SLFN14: variants seen among roughly 807,000 people sequenced by gnomAD.
The protein encoded by SLFN14 is protein SLFN14.
Under a neutral mutation model 58.6 loss-of-function variants are expected in SLFN14, and 47 were observed. The observed-to-expected ratio is 0.80, with a 90% CI of 0.64 to 1.02. SLFN14 has a LOEUF of 1.02. Among genes scored for constraint, SLFN14 ranks in the 50% least tolerant of loss-of-function variants. SLFN14 has a pLI of 0.00. For synonymous variants in SLFN14, 390 were observed against 387.3 expected (o/e 1.01, Z -0.08); for missense variants, 967 against 1,078.4 (o/e 0.90, Z 1.45).
In SLFN14 at chr17:35,548,433, A is replaced by T; in HGVS notation, c.2545T>A (p.Phe849Ile). The change falls in exon 6 of 6, where the codon TTT becomes ATT. Residue 849 changes from phenylalanine to isoleucine, a missense_variant. Coordinates refer to ENST00000674182, the MANE Select transcript of SLFN14 (RefSeq NM_001129820.2). ...IETHRPSEVV[F>I]SPATGVWGSH... ...CCCCAAACACCGGTGGCCGGGCTAA[A>T]CACAACCTCTGATGGTCTGTGGGTC... 6.4e-7 allele frequency: 1 copy of T among 1,551,644 alleles called. No homozygotes were observed. Among genetic ancestry groups the T allele is most frequent in the East Asian group, 2.4e-5 (1 of 40,918 alleles).
intron 3 of SLFN14, among the ~76,000 whole-genome samples, 185 bp downstream of exon 3, chr17:35,556,818 G>C (rs1378038123): frequency 6.6e-6 from 1 of 152,120 alleles, no homozygotes; most frequent in Non-Finnish European, 1.5e-5. Flanking sequence ...AACATTTCTT[G>C]ACCTCAGTTT....
chr17:35,552,759 A>G lies in SLFN14; in HGVS notation c.1875T>C (p.Cys625=). 6.5e-7 allele frequency: 1 copy of G among 1,549,422 alleles called. No individual in the cohort carries two copies. The highest frequency in any genetic ancestry group is 8.7e-7 in the Non-Finnish European group (1 of 1,146,450). The change falls in exon 5 of 6, where the codon TGT becomes TGC. Residue 625 remains cysteine (C), a synonymous_variant. Transcript: ENST00000674182. ...HCKPKEILYV[C]ESDSLKDFVT... ...CAAAATCCTTTAGGGAGTCGCTTTCACAAACATAGAGGATCTCTTTTGGTT... is the reference window on the plus strand; with the variant it reads ...CAAAATCCTTTAGGGAGTCGCTTTCGCAAACATAGAGGATCTCTTTTGGTT...
intron 3 of SLFN14, among the ~76,000 whole-genome samples, chr17:35,556,722 T>G (rs2072655530): frequency 6.6e-6 from 1 of 152,068 alleles, no homozygotes; most frequent in Admixed American, 6.5e-5. Context: ...GAGGTGGAGT[T>G]TGCAGTGAGC....
rs1445271966 is a variant in SLFN14, at chr17:35,554,617, A to G, written c.1148T>C (p.Val383Ala). ...ARKSPGYPIK[V>A]HKFKEALQRH... ...TTGCAGAGCCTCCTTAAATTTGTGG[A>G]CTTTTATGGGATATCCGGGACTTTT... Residue 383 changes from valine to alanine, a missense_variant, in exon 4 of 6, where the codon GTC (valine) becomes GCC (alanine). Transcript: ENST00000674182. 6.5e-7 allele frequency: 1 copy of G among 1,535,552 alleles called. No individual in the cohort carries two copies. The highest frequency in any genetic ancestry group is 8.8e-7 in the Non-Finnish European group (1 of 1,139,176).
In SLFN14 at chr17:35,553,058, G is replaced by T; in HGVS notation, c.1576C>A (p.Pro526Thr). 6.4e-7 allele frequency: 1 copy of T among 1,551,604 alleles called. No individual in the cohort carries two copies. The highest frequency in any genetic ancestry group is 1.2e-5 in the South Asian group (1 of 84,056). The change falls in exon 5 of 6, where the codon CCC becomes ACC. Residue 526 changes from proline to threonine, a missense_variant. Physicochemically the swap from Pro to Thr is conservative, Grantham distance 38. Transcript: ENST00000674182. The stretch of plus-strand genomic sequence containing the variant: ...CTGTAGGACCTGGGGTAACGCAGGG[G>T]GATCTCACCAGGTCTACTCTGTGTG... ...SSTQSRPGEI[P>T]LRYPRSYRLA...
chr17:35,548,763 C>T lies in SLFN14; in HGVS notation c.2215G>A (p.Ala739Thr). The T allele has an allele frequency of 6.4e-7, 1 of 1,551,666 alleles. No individual in the cohort carries two copies. The change falls in exon 6 of 6, where the codon GCG becomes ACG. Residue 739 changes from alanine (A) to threonine (T), a missense_variant. Transcript: ENST00000674182. Reference sequence around the variant, plus strand: ...TTCATTTCTTCTTTCATAACCTTCGCTATTTCCAGAGCACAGTGGATCCCA... The same window carrying T: ...TTCATTTCTTCTTTCATAACCTTCGTTATTTCCAGAGCACAGTGGATCCCA... ...TSGIHCALEI[A>T]KVMKEEMKRI...
Position 35,557,588 on chromosome 17 carries a change from T to C in SLFN14, c.475A>G (p.Arg159Gly), listed in dbSNP as rs1567717314. ...LLREKGFRAQ[R>G]GRPRVKKLHP... Reference sequence around the variant, plus strand: ...AACTTCTTCACCCTTGGTCTTCCTCTTTGGGCTCTAAACCCCTTCTCTCTG... The same window carrying C: ...AACTTCTTCACCCTTGGTCTTCCTCCTTGGGCTCTAAACCCCTTCTCTCTG... The change falls in exon 3 of 6, where the codon AGA becomes GGA. Residue 159 changes from arginine (R) to glycine (G), a missense_variant. By Grantham distance (125) the Arg-to-Gly change is moderately radical (BLOSUM62 -2). Coordinates refer to ENST00000674182, the MANE Select transcript of SLFN14 (RefSeq NM_001129820.2). The C allele has an allele frequency of 6.4e-7, 1 of 1,551,692 alleles. No homozygotes were observed. Among genetic ancestry groups the C allele is most frequent in the Non-Finnish European group, 8.7e-7 (1 of 1,146,986 alleles).
At chr17:35,559,069 GT>G in intron 2 of SLFN14, among the ~76,000 whole-genome samples, 1 of 149,154 alleles carries the variant, frequency 6.7e-6, no homozygotes, top group Middle Eastern at 3.4e-3. Context: ...AAAAAAAAAT[GT>G]TAAACATTAG....
At chr17:35,551,345 C>T (rs986677074) in intron 5 of SLFN14, among the ~76,000 whole-genome samples, 6 of 152,078 alleles carry the variant, frequency 3.9e-5, no homozygotes, top group Non-Finnish European at 5.9e-5. Flanking sequence ...GTCTGCCTAC[C>T]CTCAGGAATA....
rs1336773170 is a variant in SLFN14 at position 35,557,050 on chromosome 17, C to T, written c.1013G>A (p.Arg338Gln). ...GACCACCCACTGCTCAGCTGTCAGCCGTGTGACAGAATTGTCTTTCATGAT... is the reference window on the plus strand; with the variant it reads ...GACCACCCACTGCTCAGCTGTCAGCTGTGTGACAGAATTGTCTTTCATGAT... ...SWIMKDNSVT[R>Q]LTAEQWVVMM... Residue 338 changes from arginine to glutamine, a missense_variant, in exon 3 of 6, where the codon CGG becomes CAG. Coordinates refer to ENST00000674182, the MANE Select transcript of SLFN14 (RefSeq NM_001129820.2). 9 of 1,551,662 alleles carry T rather than the reference C, an allele frequency of 5.8e-6. No individual in the cohort carries two copies. The highest frequency in any genetic ancestry group is 2.7e-5 in the African/African-American group (2 of 73,148).
Position 35,553,003 on chromosome 17 carries a change from A to T in SLFN14, c.1631T>A (p.Leu544Ter). 6.4e-7 allele frequency: 1 copy of T among 1,551,642 alleles called. No homozygotes were observed. The highest frequency in any genetic ancestry group is 1.2e-5 in the South Asian group (1 of 84,060). Reference sequence around the variant, plus strand: ...GGAGACCACCACCAGAGCCTGCAGCAAGTCTTCCATTTCCTCCTCATCAGC... The same window carrying T: ...GGAGACCACCACCAGAGCCTGCAGCTAGTCTTCCATTTCCTCCTCATCAGC... The part of the protein sequence containing the change: ...RLADEEEMED[L>*]LQALVVVSLS... Residue 544 changes from leucine to a stop codon, truncating the protein, a stop_gained, in exon 5 of 6, where the codon TTG becomes TAG. Coordinates refer to ENST00000674182, the MANE Select transcript of SLFN14 (RefSeq NM_001129820.2). LOFTEE classifies it high-confidence loss of function.
chr17:35,556,861 A>C (rs2072656650), intron 3 of SLFN14, 142 bp downstream of exon 3: 1 of 796,150 alleles, frequency 1.3e-6, no homozygotes, highest in Non-Finnish European at 1.9e-6. Flanking sequence ...AAAATGTTAG[A>C]TAAGGAACAC....
chr17:35,553,382 T>C lies in SLFN14; in HGVS notation c.1252A>G (p.Lys418Glu), dbSNP rs2072616279. 1.9e-6 allele frequency: 3 copies of C among 1,551,518 alleles called. No homozygotes were observed. Among genetic ancestry groups the C allele is most frequent in the Non-Finnish European group, 2.6e-6 (3 of 1,146,988 alleles). Residue 418 changes from lysine to glutamate, a missense_variant, in exon 5 of 6, where the codon AAA (lysine) becomes GAA (glutamate). Coordinates refer to ENST00000674182, the MANE Select transcript of SLFN14 (RefSeq NM_001129820.2). ...SLCKKLFSDH[K>E]ELEGLMKTLI... ...GTCTTCATTAAACCCTCCAGTTCTT[T>C]ATGATCTGAGAACAGCTTCTTACAG...
chr17:35,550,879 C>T (rs575238770), intron 5 of SLFN14, among the ~76,000 whole-genome samples: 13 of 152,146 alleles, frequency 8.5e-5, no homozygotes, highest in African/African-American at 2.6e-4. Flanking sequence ...ATTTTATGAA[C>T]AAAATCAAAC....
chr17:35,555,484 G>A (rs2072643558), intron 3 of SLFN14, among the ~76,000 whole-genome samples: 2 of 151,864 alleles, frequency 1.3e-5, no homozygotes, highest in Non-Finnish European at 2.9e-5. Context: ...CCTGGGAGGC[G>A]GAGGCTGCAG....
In SLFN14 at chr17:35,552,967, C is replaced by T; in HGVS notation, c.1667G>A (p.Arg556Lys). 6.4e-7 allele frequency: 1 copy of T among 1,551,604 alleles called. No individual in the cohort carries two copies. The highest frequency in any genetic ancestry group is 1.2e-5 in the South Asian group (1 of 84,056). The change falls in exon 5 of 6, where the codon AGA becomes AAA. Residue 556 changes from arginine (R) to lysine (K), a missense_variant. Arg to Lys is a conservative substitution (Grantham distance 26). Coordinates refer to ENST00000674182, the MANE Select transcript of SLFN14 (RefSeq NM_001129820.2). ...GCCCATCTGGTCACTCAGAAGAGATCTGGAGGACAGGGAGACCACCACCAG... is the reference window on the plus strand; with the variant it reads ...GCCCATCTGGTCACTCAGAAGAGATTTGGAGGACAGGGAGACCACCACCAG... The part of the protein sequence containing the change: ...QALVVVSLSS[R>K]SLLSDQMGCE...
chr17:35,553,462 A>C lies in SLFN14; in HGVS notation c.1190-18T>G. 6.7e-7 allele frequency: 1 copy of C among 1,496,180 alleles called. No homozygotes were observed. Among genetic ancestry groups the C allele is most frequent in the Non-Finnish European group, 8.9e-7 (1 of 1,118,272 alleles). The allele number at this position is 1,496,180 out of a possible 1,614,324, so 92.7% of individuals were successfully genotyped here. A position where few individuals can be genotyped will look rare whatever the true frequency, so the allele number is the denominator to read the frequency against. On this transcript the variant is annotated intron_variant, in intron 4 of 5. Coordinates refer to ENST00000674182, the MANE Select transcript of SLFN14 (RefSeq NM_001129820.2). ...CTGTGTCACTGAAAATTCAAGGAAT[A>C]GATGTTACCAAAACTTACAAAAGCA...
At chr17:35,554,829 G>T in intron 3 of SLFN14, 125 bp from the exon 4 acceptor site, 2 of 763,778 alleles carry the variant, frequency 2.6e-6, no homozygotes, top group Non-Finnish European at 3.7e-6. Context: ...CTGAGCAGTC[G>T]TACTTACTAT....
intron 5 of SLFN14, among the ~76,000 whole-genome samples, chr17:35,551,437 C>A (rs1375457995): frequency 6.6e-6 from 1 of 151,222 alleles, no homozygotes; most frequent in Non-Finnish European, 1.5e-5. Flanking sequence ...CTTAGCGCCC[C>A]CTATGACCAT....
Sources: gnomAD v4.1 joint callset for allele counts (sites outside exome capture counted in the v4.1 genomes callset) on GRCh38, gnomAD v4.1.1 for gene constraint, MANE v1.5 for transcripts, NCBI Gene and HGNC (gene_info 2026-07-23, HGNC 2026-07-21) for gene names.